PDE1A: variants seen among roughly 807,000 people sequenced by gnomAD.
PDE1A encodes phosphodiesterase 1A, also known as dual specificity calcium/calmodulin-dependent 3',5'-cyclic nucleotide phosphodiesterase 1A.
In PDE1A, 35 loss-of-function variants were observed where a neutral mutation model predicts 61.7. The observed-to-expected ratio is 0.57, with a 90% CI of 0.43 to 0.75. PDE1A has a LOEUF of 0.75. Among genes scored for constraint, PDE1A ranks in the 30% least tolerant of loss-of-function variants. The pLI is 0.00. For missense variants in PDE1A, 597 were observed against 630.6 expected (o/e 0.95, Z 0.57); for synonymous variants, 232 against 213.2 (o/e 1.09, Z -0.77).
the PDE1A span, among the ~76,000 whole-genome samples, chr2:182,683,939 G>C: frequency 2.0e-5 from 3 of 151,924 alleles, no homozygotes; most frequent in South Asian, 2.1e-4. Flanking sequence ...GACCAACATG[G>C]AGAAACCCCA....
At chr2:182,242,671 G>C (rs1690611941) in intron 2 of PDE1A, among the ~76,000 whole-genome samples, 1 of 152,098 alleles carries the variant, frequency 6.6e-6, no homozygotes, top group Non-Finnish European at 1.5e-5. Context: ...CTAATCAGTT[G>C]AAAACCTTAA....
rs550486700 is a variant in PDE1A, at chr2:182,401,797, C to T, written c.53+24781G>A. Among the ~76,000 whole-genome samples the T allele has an allele frequency of 2.6e-5, 4 of 152,346 alleles. No individual in the cohort carries two copies. The Middle Eastern group carries it at 0.014, about 518-fold the overall frequency. On this transcript the variant is annotated intron_variant, in intron 1 of 13. Transcript: ENST00000351439. ...AAACCTCACTGTCTCAGCTCAAAAT[C>T]TCCTTAAGCTGATAAGCAACTTCAG...
chr2:182,606,463 C>T, the PDE1A span, among the ~76,000 whole-genome samples: 1 of 152,316 alleles, frequency 6.6e-6, no homozygotes, highest in African/African-American at 2.4e-5. Context: ...CAGGTGTGAG[C>T]CACCGTGCCC....
the PDE1A span, among the ~76,000 whole-genome samples, chr2:182,554,221 G>C: frequency 2.0e-5 from 3 of 152,006 alleles, no homozygotes; most frequent in Non-Finnish European, 4.4e-5. Context: ...TCATTTGTTT[G>C]GAAACCAAAT....
the PDE1A span, among the ~76,000 whole-genome samples, chr2:182,646,613 G>A: frequency 6.6e-6 from 1 of 151,900 alleles, no homozygotes; most frequent in Admixed American, 6.6e-5. Context: ...GAACCCGGGA[G>A]GCGGAGGTTG....
chr2:182,328,749 G>A (rs747603088), intron 1 of PDE1A, among the ~76,000 whole-genome samples: 6 of 152,122 alleles, frequency 3.9e-5, no homozygotes, highest in Non-Finnish European at 8.8e-5. Flanking sequence ...GAGTTCCATG[G>A]GGGAACCACC....
In PDE1A at chr2:182,406,552, CAAG is replaced by C. The variant is rs1186123764; in HGVS notation, c.53+20023_53+20025del. On this transcript the variant is annotated intron_variant, in intron 1 of 13. Transcript: ENST00000351439. ...TAAGAAGCTATTTCCCACAATCATC[CAAG>C]AAGATTTACAGAAATAACCCTTAGT... Among the ~76,000 whole-genome samples the C allele has an allele frequency of 9.2e-5, 14 of 152,210 alleles. 1 individual carries two copies. The East Asian group carries it at 2.5e-3, about 27-fold the overall frequency.
At position 182,211,669 on chromosome 2, in the gene PDE1A, C is replaced by T. The variant is rs552289049; in HGVS notation, c.777-5604G>A. The stretch of plus-strand genomic sequence containing the variant: ...ACATGAAATATCTGTCCCTGTATTA[C>T]TTATTTCATCAAAGTTTTACAGTTT... On this transcript the variant is annotated intron_variant, in intron 7 of 13. Coordinates refer to ENST00000351439, the Ensembl canonical transcript of PDE1A. Among the ~76,000 whole-genome samples the T allele has an allele frequency of 3.4e-3, 519 of 152,258 alleles. 2 individuals are homozygous for T. Among genetic ancestry groups the T allele is most frequent in the African/African-American group, 0.012 (505 of 41,550 alleles).
chr2:182,684,094 G>A, the PDE1A span, among the ~76,000 whole-genome samples: 1 of 146,194 alleles, frequency 6.8e-6, no homozygotes, highest in East Asian at 2.0e-4. Flanking sequence ...TTGCACTCCA[G>A]CCTGGGCAAC....
At chr2:182,344,971 G>A (rs975415063) in intron 1 of PDE1A, among the ~76,000 whole-genome samples, 1 of 152,074 alleles carries the variant, frequency 6.6e-6, no homozygotes, top group Non-Finnish European at 1.5e-5. Flanking sequence ...CCGATTCAGT[G>A]CACTGTCTTT....
the PDE1A span, among the ~76,000 whole-genome samples, chr2:182,662,266 T>G: frequency 6.8e-6 from 1 of 146,678 alleles, no homozygotes; most frequent in African/African-American, 2.6e-5. Flanking sequence ...TTTCCAGTTA[T>G]CTCAAGATAA....
intron 11 of PDE1A, among the ~76,000 whole-genome samples, chr2:182,187,825 A>G (rs1685350571): frequency 7.0e-6 from 1 of 142,316 alleles, no homozygotes; most frequent in Non-Finnish European, 1.5e-5. Flanking sequence ...GCTCACTGCA[A>G]CCTCTGCCTC....
In PDE1A at chr2:182,183,658, AG is replaced by A. The variant is rs1221693770; in HGVS notation, c.1516+2233del. 7.2e-5 allele frequency among the ~76,000 whole-genome samples: 11 copies of A among 152,326 alleles called. No homozygotes were observed. In the East Asian group the frequency reaches 2.1e-3, roughly 29 times the overall value. On this transcript the variant is annotated intron_variant, in intron 13 of 13. Coordinates refer to ENST00000351439, the Ensembl canonical transcript of PDE1A. The stretch of plus-strand genomic sequence containing the variant: ...CCCTAGAAATTAGAGAGCCATAGAA[AG>A]GCCATTTATAGTCAGTTTTAAAATT...
chr2:182,557,107 C>T, the PDE1A span, among the ~76,000 whole-genome samples: 3 of 151,272 alleles, frequency 2.0e-5, no homozygotes, highest in African/African-American at 7.3e-5. Context: ...CCAGCCTGGC[C>T]AACATGGCAA....
chr2:182,475,090 T>C (rs1344019997), intron 2 of PDE1A, among the ~76,000 whole-genome samples: 1 of 151,894 alleles, frequency 6.6e-6, no homozygotes, highest in African/African-American at 2.4e-5. Context: ...CAAGGACTTG[T>C]CTATACCTTC....
chr2:182,481,704 G>A, intron 2 of PDE1A, among the ~76,000 whole-genome samples: 1 of 151,916 alleles, frequency 6.6e-6, no homozygotes, highest in Middle Eastern at 3.2e-3. Context: ...AATATGTGGG[G>A]GAAGGTACAG....
At chr2:182,587,076 G>A in the PDE1A span, among the ~76,000 whole-genome samples, 1 of 152,156 alleles carries the variant, frequency 6.6e-6, no homozygotes, top group Non-Finnish European at 1.5e-5. Context: ...TTAGCTCAGT[G>A]AAAAATTTAA....
chr2:182,571,088 T>C, the PDE1A span, among the ~76,000 whole-genome samples: 21 of 152,198 alleles, frequency 1.4e-4, no homozygotes, highest in South Asian at 4.1e-4. Context: ...TAAATACTCA[T>C]ATGAAGATTA....
chr2:182,271,580 A>G (rs1399321099), intron 1 of PDE1A, among the ~76,000 whole-genome samples: 1 of 152,132 alleles, frequency 6.6e-6, no homozygotes, highest in Non-Finnish European at 1.5e-5. Context: ...ACATTCAAAG[A>G]GTTAGAAATG....
Sources: allele counts gnomAD v4.1 joint callset (sites outside exome capture counted in the v4.1 genomes callset), GRCh38; gene constraint gnomAD v4.1.1; transcripts MANE v1.5; gene names NCBI Gene and HGNC (gene_info 2026-07-23, HGNC 2026-07-21).